The following JHY variants were observed in gnomAD, a reference collection of about 807,000 sequenced individuals.
The protein encoded by JHY is jhy protein homolog.
JHY carries 69 observed loss-of-function variants against 78.0 expected under a neutral mutation model. The observed-to-expected ratio is 0.88, with a 90% CI of 0.73 to 1.08. JHY has a LOEUF of 1.08. JHY is among the 50% of genes least tolerant of loss of function. The probability of loss-of-function intolerance (pLI) is 0.00; values close to 1 mark genes in which losing one functional copy is unlikely to be tolerated. For missense variants in JHY, 944 were observed against 927.8 expected (o/e 1.02, Z -0.23); for synonymous variants, 368 against 342.6 (o/e 1.07, Z -0.82).
chr11:122,900,107 A>G (rs966018660), intron 2 of JHY, among the ~76,000 whole-genome samples: 3 of 152,208 alleles, frequency 2.0e-5, no homozygotes, highest in Admixed American at 6.5e-5. Flanking sequence ...GACCATTCCC[A>G]TTTTGCTGAA....
Position 122,956,653 on chromosome 11 carries a change from C to T in JHY, c.2010+77C>T, listed in dbSNP as rs1864198665. On this transcript the variant is annotated intron_variant, in intron 7 of 8. Transcript: ENST00000227349. ...TGTTAGGAAACTTTATGAAGACGCC[C>T]CCCAGAATTAAACCCTAATTCAAAT... is the stretch of plus-strand genomic sequence containing the variant. 4.1e-6 allele frequency: 5 copies of T among 1,215,068 alleles called. No homozygotes were observed. The Admixed American group carries it at 7.8e-5, about 19-fold the overall frequency. The allele number at this position is 1,215,068 out of a possible 1,614,324, so 75.3% of individuals were successfully genotyped here.
At position 122,935,074 on chromosome 11, in the gene JHY, T is replaced by C. The variant is rs1863725056; in HGVS notation, c.1633T>C (p.Trp545Arg). The change falls in exon 5 of 9, where the codon TGG becomes CGG. Residue 545 changes from tryptophan (W) to arginine (R), a missense_variant and splice_region_variant. Physicochemically the swap from Trp to Arg is moderately radical, Grantham distance 101. Coordinates refer to ENST00000227349, the MANE Select transcript of JHY (RefSeq NM_024806.4). This position sits in a 1 kb window ranked among gnomAD's most constrained non-coding sequence, Gnocchi z 4.5. ...ETKYRNLEML[W>R]KFHSSSDSQT... ...AAAATACAGGAACTTAGAAATGTTATGGTAAGAATTCCCTTTTCTCAAGTG... is the reference window on the plus strand; with the variant it reads ...AAAATACAGGAACTTAGAAATGTTACGGTAAGAATTCCCTTTTCTCAAGTG... The C allele has an allele frequency of 6.4e-7, 1 of 1,561,030 alleles. No individual in the cohort carries two copies.
At chr11:122,914,351 T>C (rs1467056855) in intron 3 of JHY, among the ~76,000 whole-genome samples, 5 of 152,196 alleles carry the variant, frequency 3.3e-5, no homozygotes, top group Non-Finnish European at 7.3e-5. Context: ...TTATGGTCAT[T>C]TTTTTGTAAT....
Position 122,959,750 on chromosome 11 carries a change from T to G in JHY, c.*305T>G. 1 of 235,616 alleles carries G rather than the reference T, an allele frequency of 4.2e-6. No individual in the cohort carries two copies. Among genetic ancestry groups the G allele is most frequent in the Non-Finnish European group, 8.2e-6 (1 of 122,586 alleles). The allele number at this position is 235,616 out of a possible 1,614,324, so 14.6% of individuals were successfully genotyped here. A position where few individuals can be genotyped will look rare whatever the true frequency, so the allele number is the denominator to read the frequency against. On this transcript the variant is annotated 3_prime_UTR_variant, in exon 9 of 9. Transcript: ENST00000227349. ...TTTTGATTTCTTCATCTCTACCCCA[T>G]TCCTTAGCATAATGGAAACCTTAAA... is the stretch of plus-strand genomic sequence containing the variant.
chr11:122,948,272 C>T (rs927369717), intron 6 of JHY, among the ~76,000 whole-genome samples: 5 of 151,914 alleles, frequency 3.3e-5, no homozygotes, highest in African/African-American at 1.2e-4. Context: ...GGTGAAACTC[C>T]GTCTCTACTA....
intron 2 of JHY, among the ~76,000 whole-genome samples, chr11:122,901,736 G>A (rs1448582486): frequency 1.3e-5 from 2 of 151,952 alleles, no homozygotes; most frequent in Non-Finnish European, 2.9e-5. Context: ...AGCCAGGCGC[G>A]GTGGCAGGTG....
At chr11:122,925,655 G>A (rs1470905931) in intron 4 of JHY, among the ~76,000 whole-genome samples, 1 of 151,934 alleles carries the variant, frequency 6.6e-6, no homozygotes, top group Non-Finnish European at 1.5e-5. Context: ...ACCAAGATGG[G>A]TGGATCACCT....
At position 122,951,124 on chromosome 11, in the gene JHY, T is replaced by C. The variant is rs149729339; in HGVS notation, c.1929+4332T>C. On this transcript the variant is annotated intron_variant, in intron 6 of 8. Transcript: ENST00000227349. Reference sequence around the variant, plus strand: ...TTGCTGGTCACGTCAAATCTTTTGGTTTCCAAGAGAATCGCCCTGAATCAC... The same window carrying C: ...TTGCTGGTCACGTCAAATCTTTTGGCTTCCAAGAGAATCGCCCTGAATCAC... 4.4e-3 allele frequency among the ~76,000 whole-genome samples: 665 copies of C among 152,274 alleles called. 21 individuals are homozygous for C. Among genetic ancestry groups the C allele is most frequent in the Admixed American group, 0.04 (616 of 15,290 alleles).
chr11:122,936,237 G>A lies in JHY; in HGVS notation c.1634+1162G>A, dbSNP rs190099269. The stretch of plus-strand genomic sequence containing the variant: ...TGCTACAGTGCTAAATGCTATACAA[G>A]GTACAAAAGAAGTATGGTGTGTGAG... On this transcript the variant is annotated intron_variant, in intron 5 of 8. Transcript: ENST00000227349. 1.5e-3 allele frequency among the ~76,000 whole-genome samples: 231 copies of A among 152,196 alleles called. 1 individual carries two copies. The highest frequency in any genetic ancestry group is 5.3e-3 in the African/African-American group (221 of 41,536).
rs1864321759 is a variant in JHY at position 122,961,783 on chromosome 11, AC to A, written c.*2339del. Among the ~76,000 whole-genome samples the A allele has an allele frequency of 6.6e-6, 1 of 152,256 alleles. No homozygotes were observed. The highest frequency in any genetic ancestry group is 2.4e-5 in the African/African-American group (1 of 41,466). The stretch of plus-strand genomic sequence containing the variant: ...CAATAAAGTGACAATTGAATGAAAC[AC>A]AAATAAATAAAGAATAAAGTTGAAA... On this transcript the variant is annotated 3_prime_UTR_variant, in exon 9 of 9. Coordinates refer to ENST00000227349, the MANE Select transcript of JHY (RefSeq NM_024806.4).
intron 4 of JHY, among the ~76,000 whole-genome samples, chr11:122,931,756 C>A (rs1863641290): frequency 6.6e-6 from 1 of 152,166 alleles, no homozygotes; most frequent in Admixed American, 6.5e-5. Flanking sequence ...GAGATCAGAG[C>A]AGGCATTGTC....
rs1226457578 is a variant in JHY, at chr11:122,898,709, A to G, written c.345-5216A>G. Among the ~76,000 whole-genome samples the G allele has an allele frequency of 1.3e-5, 2 of 152,232 alleles. No homozygotes were observed. Among genetic ancestry groups the G allele is most frequent in the Non-Finnish European group, 2.9e-5 (2 of 68,046 alleles). ...AGCCTCTGTAGATAATCCCTTCCAG[A>G]AAGTCCTCACTTTGGCTGTCCAAAT... On this transcript the variant is annotated intron_variant, in intron 2 of 8. Coordinates refer to ENST00000227349, the MANE Select transcript of JHY (RefSeq NM_024806.4). This position sits in a 1 kb window ranked among gnomAD's most constrained non-coding sequence, Gnocchi z 4.4.
chr11:122,903,581 C>T (rs1373710097), intron 2 of JHY, among the ~76,000 whole-genome samples: 1 of 152,118 alleles, frequency 6.6e-6, no homozygotes, highest in Non-Finnish European at 1.5e-5. Flanking sequence ...TTAGCTCAAG[C>T]AATCCTCCCA....
intron 6 of JHY, among the ~76,000 whole-genome samples, chr11:122,948,411 A>C (rs7113019): frequency 0.54 from 81,229 of 150,202 alleles, 22,677 homozygotes; most frequent in African/African-American, 0.68. Flanking sequence ...CCATTTCACT[A>C]CAGCCTGGGC....
At chr11:122,941,559 A>G (rs1253342742) in intron 5 of JHY, among the ~76,000 whole-genome samples, 5 of 152,076 alleles carry the variant, frequency 3.3e-5, no homozygotes, top group Admixed American at 1.3e-4. Context: ...TCCTCCCTCT[A>G]TATTCTTCTA....
chr11:122,892,913 C>T (rs1014938850), intron 2 of JHY, among the ~76,000 whole-genome samples: 25 of 152,184 alleles, frequency 1.6e-4, no homozygotes, highest in Non-Finnish European at 2.6e-4. Flanking sequence ...AGATTTTTTT[C>T]GTACTGATTA....
rs779555137 is a variant in JHY, at chr11:122,946,490, T to G, written c.1635-8T>G. ...TAATAGATTTGTGCCTTTTTTTTTT[T>G]CATTAAGGAAATTCCATTCTTCTTC... On this transcript the variant is annotated splice_polypyrimidine_tract_variant and splice_region_variant and intron_variant, in intron 5 of 8. Transcript: ENST00000227349. The G allele has an allele frequency of 4.5e-6, 7 of 1,556,188 alleles. No individual in the cohort carries two copies. In the East Asian group the frequency reaches 1.6e-4, roughly 35 times the overall value.
intron 5 of JHY, among the ~76,000 whole-genome samples, chr11:122,941,664 C>G (rs892257504): frequency 3.3e-5 from 5 of 152,050 alleles, no homozygotes; most frequent in African/African-American, 1.2e-4. Flanking sequence ...CAGTTAAATT[C>G]ATTTGTTTTG....
chr11:122,927,054 T>C (rs1442011997), intron 4 of JHY: 2 of 152,226 alleles, frequency 1.3e-5, no homozygotes, highest in African/African-American at 2.4e-5. Context: ...AGTGGCAACA[T>C]CATAACCAGT....
Sources: gnomAD v4.1 joint callset for allele counts (sites outside exome capture counted in the v4.1 genomes callset) on GRCh38, gnomAD v4.1.1 for gene constraint, Gnocchi (gnomAD v3.1) non-coding constraint, MANE v1.5 for transcripts, NCBI Gene and HGNC (gene_info 2026-07-23, HGNC 2026-07-21) for gene names.